Variants in SLC4A5 observed in about 807,000 individuals in gnomAD.
SLC4A5 encodes electrogenic sodium bicarbonate cotransporter 4.
A neutral mutation model predicts 120.4 loss-of-function variants in SLC4A5; 96 were observed. That is an observed-to-expected ratio of 0.80 (90% CI 0.68 to 0.94). The LOEUF is 0.94. Among genes scored for constraint, SLC4A5 ranks in the 40% least tolerant of loss-of-function variants. The pLI is 0.00. For synonymous variants in SLC4A5, 550 were observed against 571.1 expected (o/e 0.96, Z 0.53); for missense variants, 1,259 against 1,459.5 (o/e 0.86, Z 2.24).
chr2:74,265,374 G>T, intron 8 of SLC4A5, 110 bp from the exon 9 acceptor site: 2 of 1,326,046 alleles, frequency 1.5e-6, no homozygotes, highest in Non-Finnish European at 2.1e-6. Context: ...GTATGTGGTT[G>T]TGGTGTTGGT....
At chr2:74,327,591 C>T (rs891143668) in intron 5 of SLC4A5, among the ~76,000 whole-genome samples, 4 of 152,098 alleles carry the variant, frequency 2.6e-5, no homozygotes, top group Non-Finnish European at 4.4e-5. Flanking sequence ...GTACCGTATC[C>T]AAAACCTAAA....
At chr2:74,225,140 C>T in intron 27 of SLC4A5, 145 bp from the exon 28 acceptor site, 1 of 703,016 alleles carries the variant, frequency 1.4e-6, no homozygotes, top group East Asian at 2.7e-5. Flanking sequence ...CTCGAAGCTC[C>T]CATAAGCCAT....
intron 25 of SLC4A5, among the ~76,000 whole-genome samples, chr2:74,229,052 AG>A (rs1341484346): frequency 7.2e-6 from 1 of 139,816 alleles, no homozygotes; most frequent in African/African-American, 2.7e-5. Flanking sequence ...CAACACTAGG[AG>A]GGCTTTAGAG....
intron 7 of SLC4A5, among the ~76,000 whole-genome samples, chr2:74,301,106 G>A (rs923390173): frequency 7.9e-5 from 12 of 152,122 alleles, no homozygotes; most frequent in Non-Finnish European, 1.0e-4. Context: ...TGTCCTGGAG[G>A]TTAGGAACCT....
chr2:74,259,486 TG>T lies in SLC4A5; in HGVS notation c.867+101del, dbSNP rs544751011. 528 of 1,303,096 alleles carry T rather than the reference TG, an allele frequency of 4.1e-4. 3 individuals are homozygous for T. The African/African-American group carries it at 7.2e-3, about 18-fold the overall frequency. The allele number at this position is 1,303,096 out of a possible 1,614,324, so 80.7% of individuals were successfully genotyped here. ...GATCTTCCTGGAACTCCCACTCCTT[TG>T]TAGGAGTGGAACTCTGCCCATAGGG... On this transcript the variant is annotated intron_variant, in intron 12 of 30. Transcript: ENST00000394019.
At chr2:74,238,143 A>G (rs1670330336) in intron 21 of SLC4A5, among the ~76,000 whole-genome samples, 1 of 152,110 alleles carries the variant, frequency 6.6e-6, no homozygotes, top group Admixed American at 6.5e-5. Context: ...CATAGCAGTT[A>G]GCATTTACGA....
chr2:74,316,990 T>C (rs938932572), intron 5 of SLC4A5, among the ~76,000 whole-genome samples: 2 of 152,370 alleles, frequency 1.3e-5, no homozygotes, highest in South Asian at 2.1e-4. Flanking sequence ...AAGGTGAACA[T>C]GGGCATGCGT....
rs1376303499 is a variant in SLC4A5, at chr2:74,290,512, T to C, written c.272-4610A>G. 4.1e-6 allele frequency: 4 copies of C among 984,402 alleles called. No homozygotes were observed. In the African/African-American group the frequency reaches 5.3e-5, roughly 13 times the overall value. The allele number at this position is 984,402 out of a possible 1,614,324, so 61.0% of individuals were successfully genotyped here. A position where few individuals can be genotyped will look rare whatever the true frequency, so the allele number is the denominator to read the frequency against. ...GCTATATGTAGAGAGAATATAGGTG[T>C]GGTAAGTGTAAGTGTGAGAAAGATT... is the stretch of plus-strand genomic sequence containing the variant. On this transcript the variant is annotated intron_variant, in intron 7 of 30. Transcript: ENST00000394019.
At chr2:74,222,831 G>A in intron 29 of SLC4A5, 37 bp downstream of exon 29, 1 of 1,511,328 alleles carries the variant, frequency 6.6e-7, no homozygotes, top group Non-Finnish European at 9.2e-7. Context: ...TGGAGGACTA[G>A]TAGTAAGAAG....
intron 3 of SLC4A5, among the ~76,000 whole-genome samples, chr2:74,337,406 C>T (rs559661992): frequency 1.1e-4 from 16 of 152,128 alleles, no homozygotes; most frequent in Non-Finnish European, 1.9e-4. Flanking sequence ...CTGCACTCCA[C>T]CCCACCCCAA....
At chr2:74,240,955 A>G (rs1670421585) in intron 20 of SLC4A5, among the ~76,000 whole-genome samples, 1 of 152,152 alleles carries the variant, frequency 6.6e-6, no homozygotes, top group African/African-American at 2.4e-5. Context: ...AACTTCTATC[A>G]TTAAGCCACT....
chr2:74,273,840 A>T (rs902614188), intron 8 of SLC4A5, among the ~76,000 whole-genome samples: 7 of 152,224 alleles, frequency 4.6e-5, no homozygotes, highest in African/African-American at 1.7e-4. Flanking sequence ...GCACTAAAAA[A>T]TGATCTGTGG....
Position 74,270,135 on chromosome 2 carries a change from C to T in SLC4A5, c.402-4871G>A, listed in dbSNP as rs13420619. 3.0e-3 allele frequency among the ~76,000 whole-genome samples: 456 copies of T among 152,294 alleles called. 1 individual carries two copies. Among genetic ancestry groups the T allele is most frequent in the African/African-American group, 0.01 (424 of 41,564 alleles). On this transcript the variant is annotated intron_variant, in intron 8 of 30. Coordinates refer to ENST00000394019, the Ensembl canonical transcript of SLC4A5. ...CCAGAAAATTTGATTTAAGAAATTCCGGAATATGAGACCATTTAACTAGGG... is the reference window on the plus strand; with the variant it reads ...CCAGAAAATTTGATTTAAGAAATTCTGGAATATGAGACCATTTAACTAGGG...
chr2:74,249,501 TGA>T (rs1670724253), intron 17 of SLC4A5, among the ~76,000 whole-genome samples: 1 of 152,060 alleles, frequency 6.6e-6, no homozygotes, highest in Non-Finnish European at 1.5e-5. Context: ...GTAGGAATGC[TGA>T]GAAAGAGAAT....
At chr2:74,305,721 C>CTTTTTTT (rs35627197) in intron 6 of SLC4A5, among the ~76,000 whole-genome samples, 1 of 115,334 alleles carries the variant, frequency 8.7e-6, no homozygotes, top group African/African-American at 4.2e-5. Context: ...CTTTTCTTTC[C>CTTTTTTT]TTTTTTTTTT....
At chr2:74,294,856 G>A (rs1672280985) in intron 7 of SLC4A5, among the ~76,000 whole-genome samples, 1 of 152,006 alleles carries the variant, frequency 6.6e-6, no homozygotes, top group Admixed American at 6.6e-5. Context: ...ATTTTTAGTA[G>A]AAACTGGGTT....
intron 6 of SLC4A5, among the ~76,000 whole-genome samples, chr2:74,310,422 G>A (rs976288244): frequency 2.0e-5 from 3 of 152,126 alleles, no homozygotes; most frequent in African/African-American, 7.2e-5. Flanking sequence ...TAAGTATGAT[G>A]TTAGCTATAG....
intron 7 of SLC4A5, among the ~76,000 whole-genome samples, chr2:74,300,890 G>C (rs1672460735): frequency 6.6e-6 from 1 of 152,190 alleles, no homozygotes; most frequent in African/African-American, 2.4e-5. Flanking sequence ...GTGGGAATGA[G>C]GACCAGCAGT....
In SLC4A5 at chr2:74,307,521, C is replaced by G. The variant is rs530076768; in HGVS notation, c.80-2841G>C. On this transcript the variant is annotated intron_variant, in intron 6 of 30. Transcript: ENST00000394019. ...GGCCAGCTCTGTCTCATAGTTGACT[C>G]TAAAGTCATTGGCAGCAAGATGGGC... The G allele has an allele frequency of 3.2e-5, 20 of 618,818 alleles. No individual in the cohort carries two copies. In the African/African-American group the frequency reaches 3.7e-4, roughly 11 times the overall value. 38.3% of individuals were successfully genotyped at this position (618,818 alleles called of 1,614,324 possible).
Sources: gnomAD v4.1 joint callset for allele counts (sites outside exome capture counted in the v4.1 genomes callset) on GRCh38, gnomAD v4.1.1 for gene constraint, MANE v1.5 for transcripts, NCBI Gene and HGNC (gene_info 2026-07-23, HGNC 2026-07-21) for gene names.